The following RAB43 variants were observed in gnomAD, a reference collection of about 807,000 sequenced individuals.
The protein encoded by RAB43 is ras-related protein Rab-43.
In RAB43, 6 loss-of-function variants were observed where a neutral mutation model predicts 18.8. The ratio of observed to expected loss-of-function variants is 0.32; its 90% CI spans 0.17 to 0.63. RAB43 has a LOEUF of 0.63. Among genes scored for constraint, RAB43 ranks in the 30% least tolerant of loss-of-function variants. The probability of loss-of-function intolerance (pLI) is 0.79; values close to 1 mark genes in which losing one functional copy is unlikely to be tolerated. For missense variants in RAB43, 195 were observed against 289.1 expected (o/e 0.67, Z 2.36); for synonymous variants, 103 against 124.1 (o/e 0.83, Z 1.13).
chr3:129,121,131 G>C (rs768713593), intron 1 of RAB43, among the ~76,000 whole-genome samples, 155 bp downstream of exon 1: 1 of 144,166 alleles, frequency 6.9e-6, no homozygotes, highest in East Asian at 2.0e-4. Context: ...CCCAGACCCC[G>C]GGGCCCAGGC....
chr3:129,099,971 A>G (rs1934317763), intron 1 of RAB43, among the ~76,000 whole-genome samples: 3 of 152,202 alleles, frequency 2.0e-5, no homozygotes, highest in African/African-American at 7.2e-5. Context: ...AGAACTAATG[A>G]CTGAAAAATC....
At chr3:129,109,566 G>A (rs971650022) in intron 1 of RAB43, among the ~76,000 whole-genome samples, 3 of 148,426 alleles carry the variant, frequency 2.0e-5, no homozygotes, top group Admixed American at 6.7e-5. Context: ...GTGAAACCCC[G>A]TCTCTACTAA....
At chr3:129,116,505 A>C (rs1367823599) in intron 1 of RAB43, among the ~76,000 whole-genome samples, 1 of 152,184 alleles carries the variant, frequency 6.6e-6, no homozygotes, top group Non-Finnish European at 1.5e-5. Flanking sequence ...GCAGAACTAG[A>C]CTCTTGATTG....
intron 1 of RAB43, among the ~76,000 whole-genome samples, chr3:129,096,979 G>A (rs1934095738): frequency 6.6e-6 from 1 of 152,080 alleles, no homozygotes; most frequent in Admixed American, 6.6e-5. Context: ...CAGGTGTGGT[G>A]GTGCACGCCT....
In RAB43 at chr3:129,121,167, G is replaced by C; in HGVS notation, c.204+119C>G. 5.2e-6 allele frequency: 5 copies of C among 962,300 alleles called. No individual in the cohort carries two copies. The Admixed American group carries it at 1.4e-4, about 27-fold the overall frequency. 59.6% of individuals were successfully genotyped at this position (962,300 alleles called of 1,614,324 possible). On this transcript the variant is annotated intron_variant, in intron 1 of 2. Transcript: ENST00000315150. Reference sequence around the variant, plus strand: ...CTGCTCCGACCCGAGGAAGGAAAAAGGGGAAGCCAAAGGAAACTTCAGATG... The same window carrying C: ...CTGCTCCGACCCGAGGAAGGAAAAACGGGAAGCCAAAGGAAACTTCAGATG...
At chr3:129,119,061 G>A (rs539833790) in intron 1 of RAB43, among the ~76,000 whole-genome samples, 5 of 152,234 alleles carry the variant, frequency 3.3e-5, no homozygotes, top group African/African-American at 1.2e-4. Context: ...GTGGCTGCTT[G>A]TCTGTGTAAG....
At chr3:129,106,389 G>A (rs934344653) in intron 1 of RAB43, among the ~76,000 whole-genome samples, 2 of 152,198 alleles carry the variant, frequency 1.3e-5, no homozygotes, top group Admixed American at 6.5e-5. Context: ...AGTCAAACCA[G>A]GAGGTGGAGT....
intron 1 of RAB43, among the ~76,000 whole-genome samples, chr3:129,102,324 C>T (rs1934469046): frequency 6.6e-6 from 1 of 152,160 alleles, no homozygotes. Context: ...ACAAGATGTG[C>T]TCTGGTTTGT....
At chr3:129,120,364 G>T (rs1935827426) in intron 1 of RAB43, among the ~76,000 whole-genome samples, 1 of 152,182 alleles carries the variant, frequency 6.6e-6, no homozygotes, top group South Asian at 2.1e-4. Flanking sequence ...GGCAGAGATC[G>T]TCCCAGCCCT....
At chr3:129,113,167 A>AT (rs1265198846) in intron 1 of RAB43, among the ~76,000 whole-genome samples, 108 of 138,230 alleles carry the variant, frequency 7.8e-4, no homozygotes, top group Non-Finnish European at 8.6e-4. Context: ...TATTATTATT[A>AT]TTATTTTTTT....
At chr3:129,101,317 G>A (rs1242827055) in intron 1 of RAB43, among the ~76,000 whole-genome samples, 1 of 152,170 alleles carries the variant, frequency 6.6e-6, no homozygotes, top group Non-Finnish European at 1.5e-5. Context: ...AAACATACTA[G>A]GCTGTGTACA....
chr3:129,102,426 C>G (rs556956569), intron 1 of RAB43, among the ~76,000 whole-genome samples: 2 of 152,064 alleles, frequency 1.3e-5, no homozygotes, highest in Admixed American at 1.3e-4. Flanking sequence ...GTCAGGAGAT[C>G]GAGACCGTCC....
intron 1 of RAB43, among the ~76,000 whole-genome samples, chr3:129,099,237 G>A (rs1006176013): frequency 1.4e-5 from 2 of 147,604 alleles, no homozygotes; most frequent in African/African-American, 2.5e-5. Flanking sequence ...GACTATAGGC[G>A]TCCACCACCA....
rs1187351839 is a variant in RAB43 at position 129,096,321 on chromosome 3, C to A, written c.205-1152G>T. ...ACACAGAAGTCTGAGAGTGAAAGCTCTGGGCCACAATGTGCCAAATAAGAC... is the reference window on the plus strand; with the variant it reads ...ACACAGAAGTCTGAGAGTGAAAGCTATGGGCCACAATGTGCCAAATAAGAC... On this transcript the variant is annotated intron_variant, in intron 1 of 2. Coordinates refer to ENST00000315150, the MANE Select transcript of RAB43 (RefSeq NM_198490.3). 2.6e-5 allele frequency among the ~76,000 whole-genome samples: 4 copies of A among 152,354 alleles called. No homozygotes were observed. In the East Asian group the frequency reaches 7.7e-4, roughly 29 times the overall value.
At chr3:129,104,925 T>C (rs1269670296) in intron 1 of RAB43, among the ~76,000 whole-genome samples, 1 of 152,120 alleles carries the variant, frequency 6.6e-6, no homozygotes, top group African/African-American at 2.4e-5. Flanking sequence ...GGGCCTGTGG[T>C]CCAACCCTGA....
At chr3:129,121,848 C>T (rs1935963066), upstream of RAB43, 1 of 156,198 alleles carries the variant, frequency 6.4e-6, no homozygotes, top group South Asian at 2.1e-4. Flanking sequence ...GCCCCCGGCT[C>T]CGCCCTCAGG....
At chr3:129,092,448 G>T in intron 2 of RAB43, 2 of 675,170 alleles carry the variant, frequency 3.0e-6, no homozygotes, top group South Asian at 3.1e-5. Context: ...CAGGGTAATG[G>T]GTACCTGGGG....
intron 1 of RAB43, among the ~76,000 whole-genome samples, chr3:129,116,854 C>A (rs369008020): frequency 6.6e-5 from 10 of 151,476 alleles, no homozygotes; most frequent in East Asian, 1.9e-4. Context: ...ACATAACAGG[C>A]CTTTGTGTTG....
chr3:129,111,591 C>T (rs1935177454), intron 1 of RAB43, among the ~76,000 whole-genome samples: 1 of 151,326 alleles, frequency 6.6e-6, no homozygotes, highest in Non-Finnish European at 1.5e-5. Context: ...GTTGATCCTG[C>T]TCCTCACTCT....
Sources: allele counts gnomAD v4.1 joint callset (sites outside exome capture counted in the v4.1 genomes callset), GRCh38; gene constraint gnomAD v4.1.1; transcripts MANE v1.5; gene names NCBI Gene and HGNC (gene_info 2026-07-23, HGNC 2026-07-21).